The following IFT88 variants were observed in gnomAD, a reference collection of about 807,000 sequenced individuals.
IFT88 encodes the protein intraflagellar transport 88.
Under a neutral mutation model 119.5 loss-of-function variants are expected in IFT88, and 74 were observed. That is an observed-to-expected ratio of 0.62 (90% CI 0.51 to 0.75). The LOEUF (loss-of-function observed/expected upper bound fraction) is 0.75. Ranked by LOEUF, IFT88 falls within the 30% of genes least tolerant of loss-of-function variation. IFT88 has a pLI of 0.00. For synonymous variants in IFT88, 279 were observed against 316.7 expected (o/e 0.88, Z 1.26); for missense variants, 961 against 977.7 (o/e 0.98, Z 0.23).
intron 13 of IFT88, chr13:20,612,396 T>TTA (rs1480395224): frequency 1.3e-5 from 2 of 152,078 alleles, no homozygotes; most frequent in African/African-American, 4.8e-5. Flanking sequence ...AAAAATGAAA[T>TTA]TAACATTTAT....
chr13:20,676,056 C>T (rs897134338), intron 24 of IFT88, among the ~76,000 whole-genome samples: 10 of 152,186 alleles, frequency 6.6e-5, no homozygotes, highest in Admixed American at 1.3e-4. Flanking sequence ...TCTCTTAAAA[C>T]CACCTTAGTT....
At chr13:20,659,212 G>A (rs2053388321) in intron 22 of IFT88, among the ~76,000 whole-genome samples, 3 of 152,288 alleles carry the variant, frequency 2.0e-5, no homozygotes, top group African/African-American at 7.2e-5. Flanking sequence ...AAGTGTTTCT[G>A]GCTGTGCGTG....
chr13:20,659,610 G>T (rs2053456825), intron 22 of IFT88, among the ~76,000 whole-genome samples: 1 of 150,750 alleles, frequency 6.6e-6, no homozygotes, highest in African/African-American at 2.4e-5. Flanking sequence ...GACATTTTAA[G>T]TTACTTTATA....
chr13:20,636,867 A>G (rs2049092101), intron 16 of IFT88, among the ~76,000 whole-genome samples: 1 of 152,272 alleles, frequency 6.6e-6, no homozygotes, highest in African/African-American at 2.4e-5. Flanking sequence ...TATTCATAGT[A>G]ACCATAAAGG....
chr13:20,684,203 G>A (rs540772363), intron 24 of IFT88, among the ~76,000 whole-genome samples: 128 of 152,206 alleles, frequency 8.4e-4, no homozygotes, highest in Non-Finnish European at 9.7e-4. Flanking sequence ...CATCTAGCTT[G>A]CTGGATTCCT....
intron 23 of IFT88, among the ~76,000 whole-genome samples, chr13:20,666,842 A>G (rs1473748080): frequency 6.6e-6 from 1 of 152,266 alleles, no homozygotes; most frequent in African/African-American, 2.4e-5. Context: ...AAAATCACCT[A>G]TCCCACCACT....
intron 7 of IFT88, among the ~76,000 whole-genome samples, chr13:20,595,800 G>A (rs1385984322): frequency 2.6e-5 from 4 of 152,092 alleles, no homozygotes; most frequent in Non-Finnish European, 5.9e-5. Context: ...AGCACTTTGG[G>A]AGGCTGAGGA....
At chr13:20,651,477 AT>A (rs2051683239) in intron 20 of IFT88, among the ~76,000 whole-genome samples, 1 of 148,776 alleles carries the variant, frequency 6.7e-6, no homozygotes, top group South Asian at 2.1e-4. Context: ...TCAGTTTATG[AT>A]AGTCAAAAGT....
chr13:20,600,958 C>G (rs2042495397), intron 11 of IFT88, among the ~76,000 whole-genome samples: 1 of 152,110 alleles, frequency 6.6e-6, no homozygotes, highest in Non-Finnish European at 1.5e-5. Flanking sequence ...CTGATACATG[C>G]TACAAAATGG....
chr13:20,601,993 C>G (rs117731923), intron 12 of IFT88, 60 bp downstream of exon 12: 1 of 976,816 alleles, frequency 1.0e-6, no homozygotes, highest in East Asian at 2.6e-5. Flanking sequence ...TTTCTGTTTT[C>G]AGAATGAGAA....
intron 24 of IFT88, among the ~76,000 whole-genome samples, chr13:20,682,977 T>G (rs937115473): frequency 6.6e-5 from 10 of 152,202 alleles, no homozygotes; most frequent in Non-Finnish European, 1.5e-5. Flanking sequence ...TTTTTAGGAA[T>G]CATAGTAGGA....
At chr13:20,578,571 CAG>C (rs748845828) in intron 2 of IFT88, among the ~76,000 whole-genome samples, 19 of 151,808 alleles carry the variant, frequency 1.3e-4, no homozygotes, top group Non-Finnish European at 2.5e-4. Context: ...TTGTTTGAGA[CAG>C]AGTCTCGCTC....
chr13:20,583,807 T>C (rs1222225223), intron 3 of IFT88, among the ~76,000 whole-genome samples: 1 of 152,200 alleles, frequency 6.6e-6, no homozygotes, highest in African/African-American at 2.4e-5. Context: ...TTTTTATATA[T>C]GGTATAAGAT....
At chr13:20,607,155 T>C in intron 13 of IFT88, 1 of 403,604 alleles carries the variant, frequency 2.5e-6, no homozygotes, top group South Asian at 2.0e-5. Context: ...ATCCTGGTAC[T>C]GTACGTGGGG....
At chr13:20,590,666 A>T (rs1044413210) in intron 4 of IFT88, among the ~76,000 whole-genome samples, 1 of 152,158 alleles carries the variant, frequency 6.6e-6, no homozygotes, top group Admixed American at 6.6e-5. Context: ...TGCAGATCAT[A>T]TGTTCTCTGT....
Position 20,629,469 on chromosome 13 carries a change from A to G in IFT88, c.1300-1547A>G, listed in dbSNP as rs1016162834. 4.6e-5 allele frequency among the ~76,000 whole-genome samples: 7 copies of G among 152,330 alleles called. No homozygotes were observed. In the East Asian group the frequency reaches 1.3e-3, roughly 29 times the overall value. On this transcript the variant is annotated intron_variant, in intron 15 of 25. Coordinates refer to ENST00000351808, the MANE Select transcript of IFT88 (RefSeq NM_006531.5). ...TTTTCTTTTCCAGTGTTTACTTTGT[A>G]AACTACTGACCTAGAAACTTCCATC...
chr13:20,677,859 G>T (rs986027263), intron 24 of IFT88, among the ~76,000 whole-genome samples: 1 of 152,178 alleles, frequency 6.6e-6, no homozygotes, highest in African/African-American at 2.4e-5. Context: ...ATTTGAAAAA[G>T]TAAGAACCAC....
rs149390259 is a variant in IFT88 at position 20,690,718 on chromosome 13, C to T, written c.2256C>T (p.Asn752=). 6.2e-7 allele frequency: 1 copy of T among 1,610,574 alleles called. No homozygotes were observed. The highest frequency in any genetic ancestry group is 1.3e-5 in the African/African-American group (1 of 74,856). The change falls in exon 25 of 26, where the codon AAC becomes AAT. Residue 752 remains asparagine, a synonymous_variant. Transcript: ENST00000351808. ...EGSASGDSGQ[N]YSASSKGERL... ...TCGTGTTTTCAGATAGTGGCCAGAACTATAGTGCCAGTAGTAAAGGTGAAC... is the reference window on the plus strand; with the variant it reads ...TCGTGTTTTCAGATAGTGGCCAGAATTATAGTGCCAGTAGTAAAGGTGAAC...
intron 14 of IFT88, among the ~76,000 whole-genome samples, chr13:20,618,246 T>G (rs1566217081): frequency 6.6e-6 from 1 of 152,204 alleles, no homozygotes; most frequent in African/African-American, 2.4e-5. Flanking sequence ...ATGTAGCACA[T>G]GATCGTTGTT....
Sources: allele counts gnomAD v4.1 joint callset (sites outside exome capture counted in the v4.1 genomes callset), GRCh38; gene constraint gnomAD v4.1.1; transcripts MANE v1.5; gene names NCBI Gene and HGNC (gene_info 2026-07-23, HGNC 2026-07-21).